RALGAPA1: variants seen among roughly 807,000 people sequenced by gnomAD.
RALGAPA1 encodes ral GTPase-activating protein subunit alpha-1.
In RALGAPA1, 52 loss-of-function variants were observed where a neutral mutation model predicts 269.6. The ratio of observed to expected loss-of-function variants is 0.19; its 90% CI spans 0.15 to 0.24. RALGAPA1 has a LOEUF of 0.24. Ranked by LOEUF, RALGAPA1 falls within the 10% of genes least tolerant of loss-of-function variation. The probability of loss-of-function intolerance (pLI) is 1.00; values close to 1 mark genes in which losing one functional copy is unlikely to be tolerated. For missense variants in RALGAPA1, 1,917 were observed against 3,013.9 expected, an observed-to-expected ratio of 0.64 and a Z score of 8.52; for synonymous variants, 817 against 1,008.3, an observed-to-expected ratio of 0.81 and a Z score of 3.60.
intron 26 of RALGAPA1, among the ~76,000 whole-genome samples, chr14:35,665,517 A>G (rs1482691606): frequency 1.3e-5 from 2 of 152,208 alleles, no homozygotes; most frequent in African/African-American, 4.8e-5. Flanking sequence ...GAAATATAAT[A>G]CTTCTATTCA....
At chr14:35,645,237 T>C (rs115617689) in intron 31 of RALGAPA1, among the ~76,000 whole-genome samples, 1,817 of 152,108 alleles carry the variant, frequency 0.012, 38 homozygotes, top group African/African-American at 0.042. Context: ...ACGACCTAAT[T>C]ACCTCTCAAA....
chr14:35,626,076 A>G (rs1419491218), intron 34 of RALGAPA1, among the ~76,000 whole-genome samples: 2 of 152,294 alleles, frequency 1.3e-5, no homozygotes, highest in Admixed American at 6.5e-5. Flanking sequence ...GCAATTACCT[A>G]TATTTGGTCA....
At chr14:35,778,648 T>C (rs2075222965) in intron 1 of RALGAPA1, among the ~76,000 whole-genome samples, 1 of 152,294 alleles carries the variant, frequency 6.6e-6, no homozygotes, top group Non-Finnish European at 1.5e-5. Context: ...TTTTACTTCA[T>C]TATATTCAGT....
At chr14:35,706,967 T>G (rs192733980) in intron 16 of RALGAPA1, 2 of 152,374 alleles carry the variant, frequency 1.3e-5, no homozygotes, top group East Asian at 3.9e-4. Context: ...TGAGTTTTTC[T>G]ATCCATGTAC....
intron 10 of RALGAPA1, among the ~76,000 whole-genome samples, chr14:35,745,418 G>GACACAC (rs1336499336): frequency 1.7e-5 from 2 of 115,944 alleles, no homozygotes; most frequent in Non-Finnish European, 3.4e-5. Context: ...CAGACACACA[G>GACACAC]ACAGACACAC....
rs71445944 is a variant in RALGAPA1, at chr14:35,563,020, C to CAAAAAAAAAAA, written c.7496+7586_7496+7596dup. ...TGGGCAACAGAGCGAGAGTCCGTCT[C>CAAAAAAAAAAA]AAAAAAAAAAAAAAAAAAAAAAAAA... On this transcript the variant is annotated intron_variant, in intron 39 of 41. Coordinates refer to ENST00000680220, the MANE Select transcript of RALGAPA1 (RefSeq NM_001346249.2). 1.8e-3 allele frequency among the ~76,000 whole-genome samples: 67 copies of CAAAAAAAAAAA among 37,254 alleles called. 3 individuals are homozygous for CAAAAAAAAAAA. The highest frequency in any genetic ancestry group is 5.3e-3 in the African/African-American group (59 of 11,098). The allele number at this position is 37,254 out of a possible 152,430, so 24.4% of individuals were successfully genotyped here.
intron 4 of RALGAPA1, among the ~76,000 whole-genome samples, chr14:35,763,886 C>T (rs768482228): frequency 8.6e-5 from 13 of 151,920 alleles, no homozygotes; most frequent in Non-Finnish European, 1.3e-4. Flanking sequence ...AACAGTACTA[C>T]CAGCCGTATA....
intron 7 of RALGAPA1, among the ~76,000 whole-genome samples, chr14:35,755,536 TC>T (rs1437890329): frequency 6.6e-6 from 1 of 150,842 alleles, no homozygotes; most frequent in African/African-American, 2.5e-5. Context: ...AGTAAAGCAA[TC>T]TTTAAAATCT....
chr14:35,651,955 G>C, intron 30 of RALGAPA1, 82 bp from the exon 31 acceptor site: 1 of 1,184,012 alleles, frequency 8.4e-7, no homozygotes, highest in South Asian at 1.6e-5. Context: ...GTTAAATGCT[G>C]AAGTGATACA....
chr14:35,775,435 A>T (rs1355905059), intron 2 of RALGAPA1, among the ~76,000 whole-genome samples, 200 bp downstream of exon 2: 2 of 152,208 alleles, frequency 1.3e-5, no homozygotes, highest in African/African-American at 4.8e-5. Flanking sequence ...AAGCCATTGT[A>T]AAGTAATAAG....
intron 32 of RALGAPA1, 139 bp downstream of exon 32, chr14:35,635,325 T>G (rs1427638479): frequency 1.1e-5 from 11 of 966,188 alleles, no homozygotes; most frequent in South Asian, 2.5e-5. Flanking sequence ...TAAATTACCC[T>G]TAGGCACTGT....
chr14:35,770,206 T>G (rs187264597), intron 4 of RALGAPA1, among the ~76,000 whole-genome samples: 1 of 152,208 alleles, frequency 6.6e-6, no homozygotes, highest in African/African-American at 2.4e-5. Flanking sequence ...AGAAAAAGCA[T>G]TTGGCAAACT....
rs773139303 is a variant in RALGAPA1, at chr14:35,686,655, C to T, written c.3964G>A (p.Asp1322Asn). Residue 1322 changes from aspartate (D) to asparagine (N), a missense_variant, in exon 19 of 42, where the codon GAC (aspartate) becomes AAC (asparagine). Transcript: ENST00000680220. ...FGRKAAVNKE[D>N]MSQKLPPLNS... ...AGAGGAGGCAGTTTTTGGCTCATGT[C>T]CTCTTTATTGACTAAAAATAAATAA... 2 of 1,559,900 alleles carry T rather than the reference C, an allele frequency of 1.3e-6. No homozygotes were observed. Among genetic ancestry groups the T allele is most frequent in the Admixed American group, 3.7e-5 (2 of 54,072 alleles).
At chr14:35,573,579 T>C (rs1372684331) in intron 37 of RALGAPA1, among the ~76,000 whole-genome samples, 1 of 152,156 alleles carries the variant, frequency 6.6e-6, no homozygotes, top group Non-Finnish European at 1.5e-5. Flanking sequence ...GGGCAATTTC[T>C]ATCTCAGAAA....
chr14:35,807,718 GT>G (rs2077474609), intron 1 of RALGAPA1: 1 of 152,160 alleles, frequency 6.6e-6, no homozygotes, highest in East Asian at 1.9e-4. Flanking sequence ...TATCCTGGTG[GT>G]ATGAGTAAAC....
intron 36 of RALGAPA1, 125 bp from the exon 37 acceptor site, chr14:35,595,914 A>AT (rs1172155273): frequency 1.5e-6 from 1 of 679,232 alleles, no homozygotes; most frequent in Non-Finnish European, 2.5e-6. Flanking sequence ...ATCAACCAAT[A>AT]TTTAATCTAG....
intron 17 of RALGAPA1, among the ~76,000 whole-genome samples, chr14:35,699,350 A>G (rs1184568012): frequency 6.6e-6 from 1 of 152,184 alleles, no homozygotes; most frequent in Non-Finnish European, 1.5e-5. Context: ...GGTCACTGGG[A>G]AACTTTTTGA....
intron 16 of RALGAPA1, among the ~76,000 whole-genome samples, chr14:35,711,504 G>T (rs144414964): frequency 6.6e-6 from 1 of 152,280 alleles, no homozygotes; most frequent in African/African-American, 2.4e-5. Flanking sequence ...TGGGAGTGCG[G>T]TGGCATAATC....
intron 18 of RALGAPA1, among the ~76,000 whole-genome samples, chr14:35,686,969 T>A (rs1238440486): frequency 6.6e-6 from 1 of 152,218 alleles, no homozygotes; most frequent in Non-Finnish European, 1.5e-5. Flanking sequence ...TTTATCTTTT[T>A]TCCTGACTCA....
Sources: allele counts gnomAD v4.1 joint callset (sites outside exome capture counted in the v4.1 genomes callset), GRCh38; gene constraint gnomAD v4.1.1; transcripts MANE v1.5; gene names NCBI Gene and HGNC (gene_info 2026-07-23, HGNC 2026-07-21).